POMT2: variants seen among roughly 807,000 people sequenced by gnomAD.
The protein encoded by POMT2 is protein O-mannosyl-transferase 2.
Under a neutral mutation model 100.0 loss-of-function variants are expected in POMT2, and 75 were observed. That is an observed-to-expected ratio of 0.75 (90% CI 0.62 to 0.91). The LOEUF is 0.91. Among genes scored for constraint, POMT2 ranks in the 40% least tolerant of loss-of-function variants. The probability of loss-of-function intolerance (pLI) is 0.00; values close to 1 mark genes in which losing one functional copy is unlikely to be tolerated. For missense variants in POMT2, 940 were observed against 955.1 expected, an observed-to-expected ratio of 0.98 and a Z score of 0.21; for synonymous variants, 378 against 374.1, an observed-to-expected ratio of 1.01 and a Z score of -0.12.
intron 6 of POMT2, 148 bp from the exon 7 acceptor site, chr14:77,299,709 A>C: frequency 1.5e-6 from 1 of 663,728 alleles, no homozygotes; most frequent in South Asian, 1.5e-5. Context: ...TGGAAACCCT[A>C]AGCCTTTCTG....
intron 2 of POMT2, among the ~76,000 whole-genome samples, chr14:77,309,877 C>T (rs1459592122): frequency 6.6e-6 from 1 of 152,040 alleles, no homozygotes; most frequent in African/African-American, 2.4e-5. Context: ...GGAGTTTCAC[C>T]ACGTTGGCCA....
rs746803006 is a variant in POMT2, at chr14:77,301,245, A to T, written c.661T>A (p.Phe221Ile). ...AGCCAGAACCACCAGGGGGCAGAGA[A>T]GGGCCTGAAAATCAACAAGACGGAG... ...VKYNSCADRP[F>I]SAPWWFWLSL... Residue 221 changes from phenylalanine to isoleucine, a missense_variant, in exon 6 of 21, where the codon TTC (phenylalanine) becomes ATC (isoleucine). Phe to Ile is a conservative substitution (Grantham distance 21). Transcript: ENST00000261534. The T allele has an allele frequency of 2.3e-5, 37 of 1,614,014 alleles. No homozygotes were observed. The highest frequency in any genetic ancestry group is 2.7e-5 in the Non-Finnish European group (32 of 1,180,004).
chr14:77,291,285 C>A, intron 10 of POMT2, 29 bp downstream of exon 10: 1 of 1,606,482 alleles, frequency 6.2e-7, no homozygotes, highest in Middle Eastern at 1.7e-4. Context: ...AGTAACAGCA[C>A]AAGAAGCATC....
chr14:77,279,508 C>T lies in POMT2; in HGVS notation c.1891+315G>A, dbSNP rs758768436. Reference sequence around the variant, plus strand: ...GTGAGGGCTGTGGAGTCAGATTGCACGGGTTTGAGCCTCAGCTCTATCACT... The same window carrying T: ...GTGAGGGCTGTGGAGTCAGATTGCATGGGTTTGAGCCTCAGCTCTATCACT... On this transcript the variant is annotated intron_variant, in intron 18 of 20. Coordinates refer to ENST00000261534, the MANE Select transcript of POMT2 (RefSeq NM_013382.7). 76 of 522,280 alleles carry T rather than the reference C, an allele frequency of 1.5e-4. No individual in the cohort carries two copies. In the East Asian group the frequency reaches 2.1e-3, roughly 14 times the overall value. The allele number at this position is 522,280 out of a possible 1,614,324, so 32.4% of individuals were successfully genotyped here.
chr14:77,320,670 G>C lies in POMT2; in HGVS notation c.12C>G (p.Ala4=). Residue 4 remains alanine (A), a synonymous_variant, in exon 1 of 21, where the codon GCC becomes GCG. Coordinates refer to ENST00000261534, the MANE Select transcript of POMT2 (RefSeq NM_013382.7). ...CGGACTCTGCCAGGCCTCCGCCCGT[G>C]GCCGGCGGCATCTTCCCCCTCCTCT... is the stretch of plus-strand genomic sequence containing the variant. MPP[A]TGGGLAESEL... 1 of 1,593,524 alleles carries C rather than the reference G, an allele frequency of 6.3e-7. No homozygotes were observed.
At chr14:77,295,943 C>A (rs1470548356) in intron 9 of POMT2, among the ~76,000 whole-genome samples, 1 of 152,000 alleles carries the variant, frequency 6.6e-6, no homozygotes, top group Non-Finnish European at 1.5e-5. Context: ...AGAGGGGCAC[C>A]CCACCCAGCA....
intron 1 of POMT2, among the ~76,000 whole-genome samples, chr14:77,314,960 C>G: frequency 6.6e-6 from 1 of 152,222 alleles, no homozygotes; most frequent in East Asian, 1.9e-4. Flanking sequence ...CCCTCCCACT[C>G]TACCACAACC....
intron 6 of POMT2, chr14:77,299,804 G>A: frequency 4.3e-6 from 2 of 462,384 alleles, no homozygotes; most frequent in Admixed American, 3.1e-5. Context: ...AAAACCCCAG[G>A]ATGTTACTGT....
Position 77,275,063 on chromosome 14 carries a change from C to T in POMT2, c.*2313G>A, listed in dbSNP as rs543582326. On this transcript the variant is annotated 3_prime_UTR_variant, in exon 21 of 21. Coordinates refer to ENST00000261534, the MANE Select transcript of POMT2 (RefSeq NM_013382.7). ...GCTGGCTGGAGGTTGAATTGGCTGACGAACATCTTCTTCCTCCACCAGCAG... is the reference window on the plus strand; with the variant it reads ...GCTGGCTGGAGGTTGAATTGGCTGATGAACATCTTCTTCCTCCACCAGCAG... The T allele has an allele frequency of 4.6e-5, 7 of 152,178 alleles. No individual in the cohort carries two copies. The highest frequency in any genetic ancestry group is 1.4e-4 in the African/African-American group (6 of 41,514). The allele number at this position is 152,178 out of a possible 1,614,324, so 9.4% of individuals were successfully genotyped here. A position where few individuals can be genotyped will look rare whatever the true frequency, so the allele number is the denominator to read the frequency against.
chr14:77,316,306 G>A (rs1891623630), intron 1 of POMT2, among the ~76,000 whole-genome samples: 2 of 152,120 alleles, frequency 1.3e-5, no homozygotes, highest in South Asian at 4.1e-4. Context: ...ACATTCAAGA[G>A]TACAGCTGGT....
intron 5 of POMT2, 54 bp from the exon 6 acceptor site, chr14:77,301,303 C>T: frequency 1.9e-6 from 3 of 1,604,042 alleles, no homozygotes; most frequent in Admixed American, 3.3e-5. Context: ...AAGCCAAACG[C>T]AAGCGCAGCA....
chr14:77,310,824 A>C (rs1427674904), intron 2 of POMT2, among the ~76,000 whole-genome samples: 2 of 152,184 alleles, frequency 1.3e-5, no homozygotes, highest in African/African-American at 4.8e-5. Flanking sequence ...GAGCCTTCTC[A>C]GAGGTTTTTG....
rs1458271685 is a variant in POMT2, at chr14:77,278,592, G to A, written c.2033-84C>T. The A allele has an allele frequency of 1.8e-5, 27 of 1,464,450 alleles. No individual in the cohort carries two copies. In the Admixed American group the frequency reaches 3.1e-4, roughly 17 times the overall value. The allele number at this position is 1,464,450 out of a possible 1,614,324, so 90.7% of individuals were successfully genotyped here. ...GAAGAAGGAGGCACTCCAAGTCAAG[G>A]AGCAGAGAGTCACTCCCAGCACTGC... On this transcript the variant is annotated intron_variant, in intron 19 of 20. Transcript: ENST00000261534.
rs1890403620 is a variant in POMT2, at chr14:77,285,725, T to C, written c.1333-93A>G. 7.6e-6 allele frequency: 11 copies of C among 1,454,820 alleles called. No homozygotes were observed. In the Middle Eastern group the frequency reaches 5.2e-4, roughly 69 times the overall value. 90.1% of individuals were successfully genotyped at this position (1,454,820 alleles called of 1,614,324 possible). A position where few individuals can be genotyped will look rare whatever the true frequency, so the allele number is the denominator to read the frequency against. ...GGAAATGGCCACCCAGATGCCACCA[T>C]GTTATGAAGGTCAAAGACCAAATTA... is the stretch of plus-strand genomic sequence containing the variant. On this transcript the variant is annotated intron_variant, in intron 12 of 20. Coordinates refer to ENST00000261534, the MANE Select transcript of POMT2 (RefSeq NM_013382.7).
intron 2 of POMT2, chr14:77,306,756 G>A (rs565200391): frequency 3.4e-5 from 12 of 352,496 alleles, no homozygotes; most frequent in African/African-American, 1.3e-4. Flanking sequence ...CTCTGATTCC[G>A]CTTTCCTTCA....
intron 11 of POMT2, 38 bp downstream of exon 11, chr14:77,288,724 C>A (rs1201232011): frequency 6.4e-7 from 1 of 1,558,324 alleles, no homozygotes; most frequent in South Asian, 1.1e-5. Context: ...CCCTTGGTGC[C>A]CGTACCATTT....
At chr14:77,279,041 G>A (rs1890100442) in intron 18 of POMT2, 172 bp from the exon 19 acceptor site, 2 of 896,634 alleles carry the variant, frequency 2.2e-6, no homozygotes, top group Non-Finnish European at 3.5e-6. Flanking sequence ...GGGCTCGAGA[G>A]CTCTGGTCAG....
intron 4 of POMT2, among the ~76,000 whole-genome samples, chr14:77,304,447 G>T (rs1266985104): frequency 6.6e-6 from 1 of 152,158 alleles, no homozygotes; most frequent in Non-Finnish European, 1.5e-5. Flanking sequence ...TAACGTGGAG[G>T]TAAATCTATT....
At chr14:77,279,264 C>A (rs1432251649) in intron 18 of POMT2, 3 of 376,242 alleles carry the variant, frequency 8.0e-6, no homozygotes, top group African/African-American at 2.1e-5. Context: ...GTGTCTGGGA[C>A]TATGACTGTT....
Sources: gnomAD v4.1 joint callset for allele counts (sites outside exome capture counted in the v4.1 genomes callset) on GRCh38, gnomAD v4.1.1 for gene constraint, MANE v1.5 for transcripts, NCBI Gene and HGNC (gene_info 2026-07-23, HGNC 2026-07-21) for gene names.